The following PLAGL1 variants were observed in gnomAD, a reference collection of about 807,000 sequenced individuals.
PLAGL1 encodes PLAG1 like zinc finger 1.
Under a neutral mutation model 4.6 loss-of-function variants are expected in PLAGL1, and 1 was observed. The observed-to-expected ratio is 0.22, with a 90% CI of 0.08 to 1.03. The LOEUF (loss-of-function observed/expected upper bound fraction) is 1.03. Ranked by LOEUF, PLAGL1 falls within the 50% of genes least tolerant of loss-of-function variation. The probability of loss-of-function intolerance (pLI) is 0.58; values close to 1 mark genes in which losing one functional copy is unlikely to be tolerated. For synonymous variants in PLAGL1, 240 were observed against 237.8 expected (o/e 1.01, Z -0.08); for missense variants, 464 against 570.4 (o/e 0.81, Z 1.90).
intron 1 of PLAGL1, among the ~76,000 whole-genome samples, chr6:143,986,742 T>C (rs1789258564): frequency 2.6e-5 from 4 of 152,238 alleles, no homozygotes; most frequent in Admixed American, 2.6e-4. Flanking sequence ...AGCACATTTA[T>C]GCATAGCTGT....
chr6:143,978,676 C>T lies in PLAGL1; in HGVS notation c.-544+6459G>A, dbSNP rs1453784704. Among the ~76,000 whole-genome samples the T allele has an allele frequency of 6.6e-6, 1 of 152,182 alleles. No individual in the cohort carries two copies. Among genetic ancestry groups the T allele is most frequent in the Non-Finnish European group, 1.5e-5 (1 of 68,020 alleles). ...TTAATTCCATTATGGTCAGTGAACACTCTTTGTATGATTTAAATCCTTCAG... is the reference window on the plus strand; with the variant it reads ...TTAATTCCATTATGGTCAGTGAACATTCTTTGTATGATTTAAATCCTTCAG... On this transcript the variant is annotated intron_variant, in intron 2 of 7. Coordinates refer to ENST00000674357, the MANE Select transcript of PLAGL1 (RefSeq NM_001317162.2). The surrounding 1 kb of genome is among the most constrained non-coding windows in gnomAD (Gnocchi z 4.6).
chr6:144,011,542 TC>T (rs139526684), upstream of PLAGL1, among the ~76,000 whole-genome samples: 1 of 152,142 alleles, frequency 6.6e-6, no homozygotes, highest in Non-Finnish European at 1.5e-5. The surrounding 1 kb of genome is among the most constrained non-coding windows in gnomAD (Gnocchi z 4.3). Flanking sequence ...GATCAATTTT[TC>T]CCCCCAGCAT....
rs183694683 is a variant in PLAGL1 at position 144,059,746 on chromosome 6, C to T, written c.-151+4722G>A. On this transcript the variant is annotated intron_variant, in intron 1 of 3. Coordinates refer to the PLAGL1 transcript ENST00000437412. This position sits in a 1 kb window ranked among gnomAD's most constrained non-coding sequence, Gnocchi z 4.9. The stretch of plus-strand genomic sequence containing the variant: ...ACTGGCTGCATTAAGCTTTGTCTTG[C>T]CATTAATAATATTTTCCATCCCTGA... Among the ~76,000 whole-genome samples, 4 of 152,256 alleles carry T rather than the reference C, an allele frequency of 2.6e-5. No individual in the cohort carries two copies. The highest frequency in any genetic ancestry group is 2.6e-4 in the Admixed American group (4 of 15,290).
chr6:143,951,697 A>G (rs1177431766), intron 6 of PLAGL1, among the ~76,000 whole-genome samples: 1 of 152,222 alleles, frequency 6.6e-6, no homozygotes, highest in Non-Finnish European at 1.5e-5. Context: ...AGCATTAGAC[A>G]TGGCCATGGT....
At position 143,942,626 on chromosome 6, in the gene PLAGL1, AC is replaced by A; in HGVS notation, c.189del (p.Gln63HisfsTer15). 1 of 1,613,878 alleles carries A rather than the reference AC, an allele frequency of 6.2e-7. No homozygotes were observed. Among genetic ancestry groups the A allele is most frequent in the South Asian group, 1.1e-5 (1 of 91,066 alleles). ...MATHSPQKSHQCAHCEKTFNR... is the reference protein window; with the variant it reads ...MATHSPQKSHXCAHCEKTFNR... Reference sequence around the variant, plus strand: ...TTGAACGTCTTCTCACAGTGAGCACACTGGTGAGATTTCTGGGGAGAATGGG... The same window carrying A: ...TTGAACGTCTTCTCACAGTGAGCACATGGTGAGATTTCTGGGGAGAATGGG... On this transcript the variant is annotated frameshift_variant, in exon 8 of 8. Transcript: ENST00000674357. LOFTEE classifies it low-confidence loss of function (END_TRUNC). The surrounding 1 kb of genome is among the most constrained non-coding windows in gnomAD (Gnocchi z 7.6).
rs1797557786 is a variant in PLAGL1 at position 144,039,575 on chromosome 6, G to C, written c.-151+24893C>G. On this transcript the variant is annotated intron_variant, in intron 1 of 3. Coordinates refer to the PLAGL1 transcript ENST00000437412. The surrounding 1 kb of genome is among the most constrained non-coding windows in gnomAD (Gnocchi z 4.1). The stretch of plus-strand genomic sequence containing the variant: ...CACTTCAGCCTGGGTGACAGAGTGA[G>C]ACTGTGTCTCAAAAATAAAATCAAA... Among the ~76,000 whole-genome samples the C allele has an allele frequency of 6.6e-6, 1 of 152,146 alleles. No homozygotes were observed. Among genetic ancestry groups the C allele is most frequent in the Non-Finnish European group, 1.5e-5 (1 of 68,024 alleles).
upstream of PLAGL1, among the ~76,000 whole-genome samples, chr6:144,010,364 G>A (rs1795086227): frequency 6.6e-6 from 1 of 152,146 alleles, no homozygotes; most frequent in Non-Finnish European, 1.5e-5. This position sits in a 1 kb window ranked among gnomAD's most constrained non-coding sequence, Gnocchi z 4.1. Context: ...TGGCGACAAA[G>A]AGAATAAAAT....
At position 143,952,745 on chromosome 6, in the gene PLAGL1, G is replaced by A. The variant is rs1373451880; in HGVS notation, c.-324-4285C>T. ...CTTTACAACATTCTTAAAATAAACT[G>A]TGACTTCTGGCATCTATTTCCATTG... On this transcript the variant is annotated intron_variant, in intron 6 of 7. Coordinates refer to ENST00000674357, the MANE Select transcript of PLAGL1 (RefSeq NM_001317162.2). This position sits in a 1 kb window ranked among gnomAD's most constrained non-coding sequence, Gnocchi z 6.1. Among the ~76,000 whole-genome samples the A allele has an allele frequency of 6.6e-6, 1 of 152,146 alleles. No homozygotes were observed. The highest frequency in any genetic ancestry group is 1.5e-5 in the Non-Finnish European group (1 of 68,042).
chr6:144,002,847 T>C (rs181804361), intron 1 of PLAGL1, among the ~76,000 whole-genome samples: 1 of 149,982 alleles, frequency 6.7e-6, no homozygotes, highest in Admixed American at 6.6e-5. Context: ...AGTTGCTCTG[T>C]AGAGTCAATG....
At chr6:144,038,622 T>C (rs549318650) in intron 1 of PLAGL1, among the ~76,000 whole-genome samples, 5 of 152,150 alleles carry the variant, frequency 3.3e-5, no homozygotes, top group Non-Finnish European at 7.4e-5. Context: ...AAATGACATG[T>C]CCAAACAAAG....
chr6:144,010,097 G>T (rs1445146827), upstream of PLAGL1, among the ~76,000 whole-genome samples: 2 of 152,152 alleles, frequency 1.3e-5, no homozygotes, highest in African/African-American at 4.8e-5. The surrounding 1 kb of genome is among the most constrained non-coding windows in gnomAD (Gnocchi z 4.1). Flanking sequence ...TTGCCACACT[G>T]TCTTCCACGA....
At position 144,036,141 on chromosome 6, in the gene PLAGL1, A is replaced by T. The variant is rs1342074753; in HGVS notation, c.-151+28327T>A. Among the ~76,000 whole-genome samples, 1 of 152,222 alleles carries T rather than the reference A, an allele frequency of 6.6e-6. No homozygotes were observed. The highest frequency in any genetic ancestry group is 1.5e-5 in the Non-Finnish European group (1 of 68,036). ...AAGCCGACTTTTATGCTCTGCCTCC[A>T]GAATGACTCCTTCCAATGCTCACTA... is the stretch of plus-strand genomic sequence containing the variant. On this transcript the variant is annotated intron_variant, in intron 1 of 3. Transcript: ENST00000437412. This position sits in a 1 kb window ranked among gnomAD's most constrained non-coding sequence, Gnocchi z 5.1.
chr6:144,024,879 C>A (rs1052719782), intron 1 of PLAGL1, among the ~76,000 whole-genome samples: 2 of 152,044 alleles, frequency 1.3e-5, no homozygotes, highest in African/African-American at 2.4e-5. Flanking sequence ...CATACTGATA[C>A]AAATAATTGA....
At position 144,005,259 on chromosome 6, in the gene PLAGL1, G is replaced by C. The variant is rs1175553140; in HGVS notation, c.-584+2831C>G. The stretch of plus-strand genomic sequence containing the variant: ...TAGACTACTTTCTACAAATCTCTTA[G>C]GGGAAGAAAAAATATCACAATGAAA... On this transcript the variant is annotated intron_variant, in intron 1 of 7. Transcript: ENST00000674357. The surrounding 1 kb of genome is among the most constrained non-coding windows in gnomAD (Gnocchi z 4.6). 1 of 152,036 alleles carries C rather than the reference G, an allele frequency of 6.6e-6. No individual in the cohort carries two copies. Among genetic ancestry groups the C allele is most frequent in the East Asian group, 1.9e-4 (1 of 5,200 alleles). 9.4% of individuals were successfully genotyped at this position (152,036 alleles called of 1,614,324 possible).
Position 144,027,268 on chromosome 6 carries a change from A to AAAGAAAGG in PLAGL1, c.-151+37199_-151+37200insCCTTTCTT. ...GAAAGAAAGAAAGAAAGAAAGAAAGAAAGAAAGAAAGAAAGAAAGAAAGAA... is the reference window on the plus strand; with the variant it reads ...GAAAGAAAGAAAGAAAGAAAGAAAGAAAGAAAGGAAGAAAGAAAGAAAGAAAGAAAGAA... On this transcript the variant is annotated intron_variant, in intron 1 of 3. Coordinates refer to the PLAGL1 transcript ENST00000437412. This position sits in a 1 kb window ranked among gnomAD's most constrained non-coding sequence, Gnocchi z 5.8. Among the ~76,000 whole-genome samples, 1 of 146,384 alleles carries AAAGAAAGG rather than the reference A, an allele frequency of 6.8e-6. No homozygotes were observed. The highest frequency in any genetic ancestry group is 1.5e-5 in the Non-Finnish European group (1 of 66,170).
At position 143,996,595 on chromosome 6, in the gene PLAGL1, CAG is replaced by C. The variant is rs150747438; in HGVS notation, c.-583-11423_-583-11422del. On this transcript the variant is annotated intron_variant, in intron 1 of 7. Coordinates refer to ENST00000674357, the MANE Select transcript of PLAGL1 (RefSeq NM_001317162.2). Reference sequence around the variant, plus strand: ...CTGGGAATTGTCCTTGAAGCAGGAGCAGAGTCTTATTTATTCCCTTTTTTTTT... The same window carrying C: ...CTGGGAATTGTCCTTGAAGCAGGAGCAGTCTTATTTATTCCCTTTTTTTTT... Among the ~76,000 whole-genome samples, 991 of 149,436 alleles carry C rather than the reference CAG, an allele frequency of 6.6e-3. 41 individuals carry two copies. In the East Asian group the frequency reaches 0.11, roughly 17 times the overall value.
rs1353852734 is a variant in PLAGL1 at position 144,056,712 on chromosome 6, C to T, written c.-151+7756G>A. ...GACAGGTTATCGCTGCTGCCCAGGCCAGAGTGCAGTGGCACAATCACTACT... is the reference window on the plus strand; with the variant it reads ...GACAGGTTATCGCTGCTGCCCAGGCTAGAGTGCAGTGGCACAATCACTACT... On this transcript the variant is annotated intron_variant, in intron 1 of 3. Transcript: ENST00000437412. The surrounding 1 kb of genome is among the most constrained non-coding windows in gnomAD (Gnocchi z 4.7). Among the ~76,000 whole-genome samples the T allele has an allele frequency of 6.6e-6, 1 of 152,124 alleles. No homozygotes were observed. Among genetic ancestry groups the T allele is most frequent in the African/African-American group, 2.4e-5 (1 of 41,420 alleles).
In PLAGL1 at chr6:144,015,491, G is replaced by A. The variant is rs965160463; in HGVS notation, c.-150-46513C>T. Among the ~76,000 whole-genome samples the A allele has an allele frequency of 4.6e-5, 7 of 152,136 alleles. No homozygotes were observed. The highest frequency in any genetic ancestry group is 1.0e-4 in the Non-Finnish European group (7 of 68,024). On this transcript the variant is annotated intron_variant, in intron 1 of 3. Coordinates refer to the PLAGL1 transcript ENST00000437412. This position sits in a 1 kb window ranked among gnomAD's most constrained non-coding sequence, Gnocchi z 4.3. ...GAGACCATTAAGGAAAAAAATCTAA[G>A]CCACATGGGAAAAAGTCTTCACAAT...
At chr6:144,035,267 C>T (rs1420200740) in intron 1 of PLAGL1, among the ~76,000 whole-genome samples, 1 of 152,136 alleles carries the variant, frequency 6.6e-6, no homozygotes, top group African/African-American at 2.4e-5. Context: ...TCAATCCAAG[C>T]ACCAAAAACT....
Sources: gnomAD v4.1 joint callset for allele counts (sites outside exome capture counted in the v4.1 genomes callset) on GRCh38, gnomAD v4.1.1 for gene constraint, Gnocchi (gnomAD v3.1) non-coding constraint, MANE v1.5 for transcripts, NCBI Gene and HGNC (gene_info 2026-07-23, HGNC 2026-07-21) for gene names.